The following SV2C variants were observed in gnomAD, a reference collection of about 807,000 sequenced individuals.
SV2C encodes the protein synaptic vesicle glycoprotein 2C.
Under a neutral mutation model 79.7 loss-of-function variants are expected in SV2C, and 49 were observed. That is an observed-to-expected ratio of 0.61 (90% CI 0.49 to 0.78). SV2C has a LOEUF of 0.78. Among genes scored for constraint, SV2C ranks in the 30% least tolerant of loss-of-function variants. The pLI, the probability that SV2C is intolerant of heterozygous loss-of-function variation, is 0.00. For synonymous variants in SV2C, 334 were observed against 333.2 expected, an observed-to-expected ratio of 1.00 and a Z score of -0.03; for missense variants, 833 against 912.9, an observed-to-expected ratio of 0.91 and a Z score of 1.13.
At chr5:76,305,126 T>C (rs1290550901) in intron 12 of SV2C, among the ~76,000 whole-genome samples, 1 of 152,130 alleles carries the variant, frequency 6.6e-6, no homozygotes, top group Non-Finnish European at 1.5e-5. Context: ...TCACTCACCA[T>C]TGCGAGGACA....
chr5:75,967,323 T>C, the SV2C span, among the ~76,000 whole-genome samples: 1 of 152,176 alleles, frequency 6.6e-6, no homozygotes, highest in South Asian at 2.1e-4. Flanking sequence ...GGACAGTGGG[T>C]GCAGAACAGT....
intron 12 of SV2C, among the ~76,000 whole-genome samples, chr5:76,343,055 A>G (rs970639219): frequency 3.3e-5 from 5 of 152,118 alleles, no homozygotes; most frequent in Admixed American, 6.6e-5. Flanking sequence ...TTTGATGCAC[A>G]GAAGTTCCTA....
At chr5:75,888,249 C>A in the SV2C span, among the ~76,000 whole-genome samples, 1 of 151,834 alleles carries the variant, frequency 6.6e-6, no homozygotes, top group Non-Finnish European at 1.5e-5. Context: ...GATGCTTTGG[C>A]CACAACCTTG....
chr5:75,849,909 T>C, the SV2C span, among the ~76,000 whole-genome samples: 1 of 152,306 alleles, frequency 6.6e-6, no homozygotes, highest in Non-Finnish European at 1.5e-5. Flanking sequence ...TTCTTTTCTT[T>C]TTTTTAAAAT....
chr5:75,948,272 G>A, the SV2C span, among the ~76,000 whole-genome samples: 3 of 151,986 alleles, frequency 2.0e-5, no homozygotes, highest in African/African-American at 7.2e-5. Context: ...TTGAAATGTG[G>A]TTTTGTAGAT....
chr5:75,960,435 A>G, the SV2C span, among the ~76,000 whole-genome samples: 2 of 151,938 alleles, frequency 1.3e-5, no homozygotes, highest in Non-Finnish European at 2.9e-5. Context: ...AGCTGTTATA[A>G]GATTGTAGCA....
chr5:76,051,812 G>T, the SV2C span, among the ~76,000 whole-genome samples: 18 of 152,160 alleles, frequency 1.2e-4, no homozygotes, highest in East Asian at 2.9e-3. Flanking sequence ...ATCCATGATT[G>T]TATGCATTCT....
At chr5:76,200,342 AG>A (rs1257262748) in intron 3 of SV2C, among the ~76,000 whole-genome samples, 1 of 152,246 alleles carries the variant, frequency 6.6e-6, no homozygotes, top group Non-Finnish European at 1.5e-5. Context: ...TTTAGAACAA[AG>A]AGAAGTTCTA....
the SV2C span, among the ~76,000 whole-genome samples, chr5:76,017,914 T>A: frequency 6.6e-6 from 1 of 152,140 alleles, no homozygotes; most frequent in African/African-American, 2.4e-5. Context: ...TTTGGGGGGA[T>A]CATGATCCCA....
the SV2C span, among the ~76,000 whole-genome samples, chr5:75,989,001 C>G: frequency 6.6e-6 from 1 of 151,882 alleles, no homozygotes; most frequent in Non-Finnish European, 1.5e-5. Flanking sequence ...TTTCCTTTGT[C>G]TTGTCATTTC....
At chr5:76,113,436 A>C (rs1469288680) in intron 1 of SV2C, among the ~76,000 whole-genome samples, 1 of 152,226 alleles carries the variant, frequency 6.6e-6, no homozygotes, top group East Asian at 1.9e-4. Flanking sequence ...AAATGAATGA[A>C]TGTCCAGGAT....
rs553361134 is a variant in SV2C at position 76,299,392 on chromosome 5, G to A, written c.1636+465G>A. ...AAAGGAAGGCAAACAAGCATTGATT[G>A]AACACCTATATACTGTTTTCTACTC... On this transcript the variant is annotated intron_variant, in intron 10 of 12. Transcript: ENST00000502798. 1.8e-3 allele frequency among the ~76,000 whole-genome samples: 274 copies of A among 152,300 alleles called. 1 individual carries two copies. Among genetic ancestry groups the A allele is most frequent in the African/African-American group, 6.1e-3 (254 of 41,560 alleles).
At chr5:75,885,434 C>T in the SV2C span, among the ~76,000 whole-genome samples, 1 of 152,090 alleles carries the variant, frequency 6.6e-6, no homozygotes, top group African/African-American at 2.4e-5. Flanking sequence ...TGCTAGCAGT[C>T]TTTAAAAGAT....
the SV2C span, among the ~76,000 whole-genome samples, chr5:75,901,954 C>T: frequency 2.9e-3 from 431 of 148,384 alleles, 4 homozygotes; most frequent in African/African-American, 1.0e-2. Flanking sequence ...GCGCAGTATT[C>T]GGGTGGGAGT....
chr5:76,244,826 C>CAAT (rs1228088774), intron 4 of SV2C, among the ~76,000 whole-genome samples: 2 of 152,322 alleles, frequency 1.3e-5, no homozygotes, highest in African/African-American at 4.8e-5. Context: ...TTCAAGGGCT[C>CAAT]AATACCAGTG....
At chr5:75,854,233 T>C in the SV2C span, among the ~76,000 whole-genome samples, 2 of 152,222 alleles carry the variant, frequency 1.3e-5, no homozygotes, top group African/African-American at 2.4e-5. Context: ...CTGAGTAGCA[T>C]TCTATGATAT....
intron 2 of SV2C, among the ~76,000 whole-genome samples, chr5:76,153,155 C>A (rs879466161): frequency 2.0e-5 from 3 of 152,112 alleles, no homozygotes; most frequent in Non-Finnish European, 4.4e-5. Flanking sequence ...TTTGTAGGGA[C>A]CCCGAGCTCT....
the SV2C span, among the ~76,000 whole-genome samples, chr5:76,037,532 G>T: frequency 6.6e-6 from 1 of 152,186 alleles, no homozygotes. Context: ...GTCCCTGCTG[G>T]GGGGTGCCTC....
chr5:75,895,979 T>TAC, the SV2C span, among the ~76,000 whole-genome samples: 432 of 152,226 alleles, frequency 2.8e-3, 10 homozygotes, highest in East Asian at 0.035. Context: ...TTGCACTATA[T>TAC]ACACACATAC....
Sources: allele counts gnomAD v4.1 joint callset (sites outside exome capture counted in the v4.1 genomes callset), GRCh38; gene constraint gnomAD v4.1.1; transcripts MANE v1.5; gene names NCBI Gene and HGNC (gene_info 2026-07-23, HGNC 2026-07-21).